The following RHOJ variants were observed in gnomAD, a reference collection of about 807,000 sequenced individuals.
RHOJ encodes the protein rho-related GTP-binding protein RhoJ.
RHOJ carries 11 observed loss-of-function variants against 23.4 expected under a neutral mutation model. The observed-to-expected ratio is 0.47, with a 90% CI of 0.30 to 0.78. RHOJ has a LOEUF of 0.78. Ranked by LOEUF, RHOJ falls within the 30% of genes least tolerant of loss-of-function variation. RHOJ has a pLI of 0.08. For missense variants in RHOJ, 254 were observed against 273.4 expected (o/e 0.93, Z 0.50); for synonymous variants, 102 against 102.7 (o/e 0.99, Z 0.04).
intron 3 of RHOJ, among the ~76,000 whole-genome samples, chr14:63,282,282 A>G (rs1348980762): frequency 7.4e-6 from 1 of 136,002 alleles, no homozygotes; most frequent in African/African-American, 3.4e-5. Context: ...ACACACAAAC[A>G]CATGCACACA....
intron 1 of RHOJ, among the ~76,000 whole-genome samples, chr14:63,268,908 C>G (rs1174692575): frequency 6.6e-6 from 1 of 152,190 alleles, no homozygotes; most frequent in African/African-American, 2.4e-5. Flanking sequence ...GGACTTGGCT[C>G]AGACCATCTG....
intron 1 of RHOJ, among the ~76,000 whole-genome samples, chr14:63,242,012 C>G (rs1894891885): frequency 6.6e-6 from 1 of 152,122 alleles, no homozygotes; most frequent in African/African-American, 2.4e-5. Context: ...GGGAGTGTAT[C>G]CAGAAACAGA....
At chr14:63,217,309 T>C (rs1005997926) in intron 1 of RHOJ, among the ~76,000 whole-genome samples, 33 of 145,436 alleles carry the variant, frequency 2.3e-4, no homozygotes, top group Non-Finnish European at 4.1e-4. Context: ...CATTGTTCAA[T>C]TCCCACCTAT....
intron 1 of RHOJ, among the ~76,000 whole-genome samples, chr14:63,265,552 T>C (rs1363034228): frequency 1.3e-5 from 2 of 152,268 alleles, no homozygotes; most frequent in African/African-American, 4.8e-5. Flanking sequence ...TTCCTAATTC[T>C]GTAAAAATGA....
At chr14:63,252,994 T>C (rs1895098814) in intron 1 of RHOJ, among the ~76,000 whole-genome samples, 1 of 152,234 alleles carries the variant, frequency 6.6e-6, no homozygotes, top group South Asian at 2.1e-4. Context: ...ACTATTTAGG[T>C]TGGCATTTGG....
rs368844261 is a variant in RHOJ, at chr14:63,270,311, G to A, written c.237+1143G>A. Among the ~76,000 whole-genome samples the A allele has an allele frequency of 3.2e-4, 49 of 152,090 alleles. No homozygotes were observed. In the South Asian group the frequency reaches 0.01, roughly 32 times the overall value. On this transcript the variant is annotated intron_variant, in intron 2 of 4. Coordinates refer to ENST00000316754, the MANE Select transcript of RHOJ (RefSeq NM_020663.5). ...AAGGACCACTGTGTAAATGTGTGTG[G>A]AACATCAAAGGCTGGTGTTGGCCAG...
Position 63,281,030 on chromosome 14 carries a change from C to T in RHOJ, c.297C>T (p.Cys99=), listed in dbSNP as rs1445749873. 6.2e-7 allele frequency: 1 copy of T among 1,614,024 alleles called. No homozygotes were observed. Among genetic ancestry groups the T allele is most frequent in the Non-Finnish European group, 8.5e-7 (1 of 1,180,016 alleles). ...CCAACACGGATGTGTTTTTGATCTG[C>T]TTCTCTGTCGTAAACCCTGCCTCTT... ...SYPNTDVFLI[C]FSVVNPASYH... Residue 99 remains cysteine (C), a synonymous_variant, in exon 3 of 5, where the codon TGC becomes TGT. Coordinates refer to ENST00000316754, the MANE Select transcript of RHOJ (RefSeq NM_020663.5).
At chr14:63,275,310 A>AAAAC (rs993298402) in intron 2 of RHOJ, among the ~76,000 whole-genome samples, 10 of 152,286 alleles carry the variant, frequency 6.6e-5, no homozygotes, top group Admixed American at 6.5e-4. Context: ...ACCCAATCTC[A>AAAAC]AAACAAACAA....
chr14:63,272,264 C>T (rs1353292278), intron 2 of RHOJ, among the ~76,000 whole-genome samples: 2 of 152,234 alleles, frequency 1.3e-5, no homozygotes, highest in South Asian at 2.1e-4. Context: ...CCAAAATTTC[C>T]ATTCCTAGTC....
intron 1 of RHOJ, among the ~76,000 whole-genome samples, chr14:63,219,532 T>C (rs1894438083): frequency 6.6e-6 from 1 of 152,154 alleles, no homozygotes; most frequent in African/African-American, 2.4e-5. Context: ...GAGTTCTCTT[T>C]TCTGGCCGGG....
Position 63,290,933 on chromosome 14 carries a change from C to A in RHOJ, c.554C>A (p.Ala185Glu), listed in dbSNP as rs145036225. The change falls in exon 5 of 5, where the codon GCG (alanine) becomes GAG (glutamate). Residue 185 changes from alanine (A) to glutamate (E), a missense_variant. Physicochemically the swap from Ala to Glu is moderately radical, Grantham distance 107. Coordinates refer to ENST00000316754, the MANE Select transcript of RHOJ (RefSeq NM_020663.5). ...GCTCTGACTCAGAAAGGTCTCAAAG[C>A]GGTTTTTGATGAAGCAATCCTCACC... ...CSALTQKGLKAVFDEAILTIF... is the reference protein window; with the variant it reads ...CSALTQKGLKEVFDEAILTIF... 9 of 1,614,012 alleles carry A rather than the reference C, an allele frequency of 5.6e-6. 1 individual carries two copies. The highest frequency in any genetic ancestry group is 5.5e-5 in the South Asian group (5 of 91,070).
chr14:63,281,223 C>T (rs969563470), intron 3 of RHOJ, 88 bp downstream of exon 3: 39 of 1,304,892 alleles, frequency 3.0e-5, no homozygotes, highest in African/African-American at 1.6e-4. Flanking sequence ...TTCTGCCAAA[C>T]GCTATGGAAG....
chr14:63,224,450 G>C (rs116926444), intron 1 of RHOJ, among the ~76,000 whole-genome samples: 2 of 152,256 alleles, frequency 1.3e-5, no homozygotes, highest in African/African-American at 4.8e-5. Flanking sequence ...GCAGCAGTTG[G>C]GGGGAGGGGG....
rs975416129 is a variant in RHOJ, at chr14:63,237,401, C to T, written c.179-31709C>T. Among the ~76,000 whole-genome samples, 12 of 152,228 alleles carry T rather than the reference C, an allele frequency of 7.9e-5. No homozygotes were observed. In the South Asian group the frequency reaches 2.1e-3, roughly 26 times the overall value. ...TTTCTTTAGTTTCCAAAGTACTCTG[C>T]ACAACACTTGAAACAGTATAAATGT... On this transcript the variant is annotated intron_variant, in intron 1 of 4. Transcript: ENST00000316754.
intron 1 of RHOJ, 83 bp downstream of exon 1, chr14:63,205,130 T>G: frequency 6.9e-7 from 1 of 1,456,618 alleles, no homozygotes; most frequent in South Asian, 1.3e-5. Flanking sequence ...CTGGCTCATT[T>G]CTAATGTCAG....
At chr14:63,246,117 G>A (rs912109299) in intron 1 of RHOJ, among the ~76,000 whole-genome samples, 4 of 152,018 alleles carry the variant, frequency 2.6e-5, no homozygotes, top group Non-Finnish European at 4.4e-5. Flanking sequence ...TCCAGAGAAG[G>A]GCACAACCCC....
chr14:63,219,556 A>AC (rs1432149475), intron 1 of RHOJ, among the ~76,000 whole-genome samples: 1 of 152,140 alleles, frequency 6.6e-6, no homozygotes, highest in East Asian at 1.9e-4. Context: ...GGTGGCTCAC[A>AC]CCTATAATCC....
In RHOJ at chr14:63,291,883, G is replaced by A. The variant is rs897298107; in HGVS notation, c.*859G>A. 15 of 152,682 alleles carry A rather than the reference G, an allele frequency of 9.8e-5. No individual in the cohort carries two copies. The highest frequency in any genetic ancestry group is 3.6e-4 in the African/African-American group (15 of 41,556). The allele number at this position is 152,682 out of a possible 1,614,324, so 9.5% of individuals were successfully genotyped here. ...TGTTTTTCATCCAAGTTGATTGGGG[G>A]AAGAATATGGCAGGATCCATCTTTT... is the stretch of plus-strand genomic sequence containing the variant. On this transcript the variant is annotated 3_prime_UTR_variant, in exon 5 of 5. Transcript: ENST00000316754.
intron 4 of RHOJ, among the ~76,000 whole-genome samples, chr14:63,285,311 C>A (rs1448154822): frequency 3.9e-5 from 6 of 152,180 alleles, no homozygotes; most frequent in Admixed American, 3.9e-4. Context: ...TGTGCTTTAA[C>A]CACCTGCTCT....
Sources: gnomAD v4.1 joint callset for allele counts (sites outside exome capture counted in the v4.1 genomes callset) on GRCh38, gnomAD v4.1.1 for gene constraint, MANE v1.5 for transcripts, NCBI Gene and HGNC (gene_info 2026-07-23, HGNC 2026-07-21) for gene names.